The following CALN1 variants were observed in gnomAD, a reference collection of about 807,000 sequenced individuals.
CALN1 encodes calneuron 1.
CALN1 carries 17 observed loss-of-function variants against 30.6 expected under a neutral mutation model. That is an observed-to-expected ratio of 0.56 (90% CI 0.38 to 0.83). The LOEUF is 0.83. Among genes scored for constraint, CALN1 ranks in the 40% least tolerant of loss-of-function variants. CALN1 has a pLI of 0.00. For missense variants in CALN1, 291 were observed against 354.9 expected (o/e 0.82, Z 1.45); for synonymous variants, 156 against 131.4 (o/e 1.19, Z -1.28).
intron 3 of CALN1, among the ~76,000 whole-genome samples, chr7:72,264,784 A>T (rs186624529): frequency 6.6e-6 from 1 of 152,218 alleles, no homozygotes; most frequent in Admixed American, 6.5e-5. Flanking sequence ...TCACCCAGGT[A>T]TTAATCCTAG....
chr7:72,471,968 TTA>T, the CALN1 span, among the ~76,000 whole-genome samples: 1 of 151,956 alleles, frequency 6.6e-6, no homozygotes, highest in Non-Finnish European at 1.5e-5. Context: ...CATAATATTT[TTA>T]TGTTTTGTAG....
intron 5 of CALN1, among the ~76,000 whole-genome samples, chr7:71,849,866 C>T (rs1790536097): frequency 6.6e-6 from 1 of 152,050 alleles, no homozygotes; most frequent in African/African-American, 2.4e-5. Flanking sequence ...CTCCCAGCCT[C>T]AAGCAATCCT....
intron 3 of CALN1, among the ~76,000 whole-genome samples, chr7:72,186,255 G>A (rs1420020747): frequency 6.6e-6 from 1 of 152,024 alleles, no homozygotes; most frequent in African/African-American, 2.4e-5. Context: ...ATTTTAAGCC[G>A]CTCAAATGGT....
chr7:72,268,390 T>C (rs548752293), intron 3 of CALN1, among the ~76,000 whole-genome samples: 42 of 152,332 alleles, frequency 2.8e-4, no homozygotes, highest in African/African-American at 1.0e-3. Flanking sequence ...CAAGTCTAGA[T>C]ACCAGTAACA....
At chr7:72,493,248 G>A in the CALN1 span, among the ~76,000 whole-genome samples, 1 of 151,884 alleles carries the variant, frequency 6.6e-6, no homozygotes, top group African/African-American at 2.4e-5. Flanking sequence ...CACAGAAATG[G>A]TATCATACAA....
intron 5 of CALN1, among the ~76,000 whole-genome samples, chr7:71,827,215 T>C (rs539823071): frequency 1.3e-5 from 2 of 152,260 alleles, no homozygotes; most frequent in Admixed American, 1.3e-4. Context: ...GCTAAGCCCA[T>C]TGGTGGGTCC....
chr7:72,365,872 C>T (rs918857338), intron 2 of CALN1, among the ~76,000 whole-genome samples: 16 of 152,022 alleles, frequency 1.1e-4, no homozygotes, highest in African/African-American at 3.6e-4. Flanking sequence ...ACCCTCTCGC[C>T]CAGTTGGTTA....
At chr7:72,029,511 T>C (rs902605645) in intron 4 of CALN1, among the ~76,000 whole-genome samples, 5 of 152,188 alleles carry the variant, frequency 3.3e-5, no homozygotes, top group African/African-American at 1.2e-4. Flanking sequence ...GAAGCACTTC[T>C]TGGTGGGCTT....
intron 2 of CALN1, among the ~76,000 whole-genome samples, chr7:72,338,486 T>A (rs949863583): frequency 0.011 from 1,475 of 132,332 alleles, 39 homozygotes; most frequent in African/African-American, 0.041. Flanking sequence ...TGTGTGTGTG[T>A]GTGTGTGTGT....
At chr7:71,831,117 G>A (rs899023638) in intron 5 of CALN1, among the ~76,000 whole-genome samples, 2 of 152,188 alleles carry the variant, frequency 1.3e-5, no homozygotes, top group South Asian at 2.1e-4. Context: ...AACTAGTTGC[G>A]TACCCTGAAG....
At chr7:72,149,180 T>C (rs946303996) in intron 3 of CALN1, among the ~76,000 whole-genome samples, 2 of 151,884 alleles carry the variant, frequency 1.3e-5, no homozygotes, top group African/African-American at 4.8e-5. Context: ...AAACCTCTAT[T>C]CTTGGCCAGG....
intron 2 of CALN1, among the ~76,000 whole-genome samples, chr7:72,393,982 G>C (rs927267995): frequency 2.6e-5 from 4 of 152,158 alleles, no homozygotes; most frequent in African/African-American, 9.7e-5. Flanking sequence ...TTTATTAAAA[G>C]AATCACATAG....
chr7:71,797,916 T>C (rs1195646408), intron 6 of CALN1, among the ~76,000 whole-genome samples: 1 of 152,090 alleles, frequency 6.6e-6, no homozygotes, highest in African/African-American at 2.4e-5. Context: ...TCAGGTTTGA[T>C]TGGAGCTCCT....
chr7:72,054,450 T>C lies in CALN1; in HGVS notation c.389-30681A>G, dbSNP rs796747667. On this transcript the variant is annotated intron_variant, in intron 4 of 6. Coordinates refer to ENST00000395275, the MANE Select transcript of CALN1 (RefSeq NM_031468.4). ...ATATACACGTATATATATATATACA[T>C]ATATATACATATATATACATATATA... Among the ~76,000 whole-genome samples the C allele has an allele frequency of 3.0e-4, 17 of 57,436 alleles. 1 individual carries two copies. The South Asian group carries it at 4.6e-3, about 16-fold the overall frequency. 37.7% of individuals were successfully genotyped at this position (57,436 alleles called of 152,430 possible). A position where few individuals can be genotyped will look rare whatever the true frequency, so the allele number is the denominator to read the frequency against.
chr7:72,091,748 G>A (rs373110942), intron 4 of CALN1, among the ~76,000 whole-genome samples: 5 of 152,314 alleles, frequency 3.3e-5, no homozygotes, highest in South Asian at 2.1e-4. Flanking sequence ...ACCCAGAGGG[G>A]ATGGCCACTC....
chr7:72,084,807 TCA>T (rs1218427144), intron 4 of CALN1, among the ~76,000 whole-genome samples: 1 of 152,214 alleles, frequency 6.6e-6, no homozygotes, highest in African/African-American at 2.4e-5. Context: ...TTCTGCGGCT[TCA>T]GTTACCCCTT....
chr7:72,003,062 GAAGT>G (rs1267406566), intron 5 of CALN1, among the ~76,000 whole-genome samples: 1 of 152,128 alleles, frequency 6.6e-6, no homozygotes, highest in Non-Finnish European at 1.5e-5. Flanking sequence ...GTAAGTATGT[GAAGT>G]AATTGATATG....
At chr7:71,907,046 C>T (rs6944606) in intron 5 of CALN1, among the ~76,000 whole-genome samples, 32,465 of 152,046 alleles carry the variant, frequency 0.21, 3,673 homozygotes, top group African/African-American at 0.25. Context: ...TGCTTGCATC[C>T]ACCCTGGGCC....
intron 3 of CALN1, among the ~76,000 whole-genome samples, chr7:72,270,840 A>T (rs1255975475): frequency 1.3e-5 from 2 of 152,362 alleles, no homozygotes; most frequent in Admixed American, 1.3e-4. Flanking sequence ...TTTGAGTAGC[A>T]TCCCTCCAAT....
Sources: gnomAD v4.1 joint callset for allele counts (sites outside exome capture counted in the v4.1 genomes callset) on GRCh38, gnomAD v4.1.1 for gene constraint, MANE v1.5 for transcripts, NCBI Gene and HGNC (gene_info 2026-07-23, HGNC 2026-07-21) for gene names.